The following ASB7 variants were observed in gnomAD, a reference collection of about 807,000 sequenced individuals.
ASB7 encodes ankyrin repeat and SOCS box containing 7.
A neutral mutation model predicts 32.5 loss-of-function variants in ASB7; 4 were observed. The ratio of observed to expected loss-of-function variants is 0.12; its 90% CI spans 0.06 to 0.28. ASB7 has a LOEUF of 0.28. ASB7 is among the 10% of genes least tolerant of loss of function. The pLI is 1.00. For synonymous variants in ASB7, 172 were observed against 155.6 expected, an observed-to-expected ratio of 1.11 and a Z score of -0.78; for missense variants, 181 against 407.1, an observed-to-expected ratio of 0.44 and a Z score of 4.78.
chr15:100,618,905 A>G (rs928692458), intron 4 of ASB7, among the ~76,000 whole-genome samples: 1 of 152,186 alleles, frequency 6.6e-6, no homozygotes, highest in African/African-American at 2.4e-5. Flanking sequence ...TTTTAGGATA[A>G]TAAGTATTAT....
intron 4 of ASB7, among the ~76,000 whole-genome samples, chr15:100,625,495 A>G (rs1358392157): frequency 3.3e-5 from 5 of 152,238 alleles, no homozygotes. Flanking sequence ...TTTAATAATA[A>G]ATTTAACAAA....
At chr15:100,621,331 T>C (rs1390214867) in intron 4 of ASB7, among the ~76,000 whole-genome samples, 1 of 152,214 alleles carries the variant, frequency 6.6e-6, no homozygotes, top group African/African-American at 2.4e-5. Context: ...TGATGTAGTT[T>C]TAAAAAAAGC....
At chr15:100,633,768 C>G in intron 5 of ASB7, among the ~76,000 whole-genome samples, 1 of 152,070 alleles carries the variant, frequency 6.6e-6, no homozygotes, top group East Asian at 1.9e-4. Context: ...GTAAATAGCC[C>G]CTTGTGCCTG....
At chr15:100,632,089 T>A (rs1240244545) in intron 5 of ASB7, among the ~76,000 whole-genome samples, 1 of 152,246 alleles carries the variant, frequency 6.6e-6, no homozygotes, top group Admixed American at 6.5e-5. Flanking sequence ...CTAGCAGTGC[T>A]GTTGGACAGC....
rs79833134 is a variant in ASB7 at position 100,641,128 on chromosome 15, G to A, written c.818-7195G>A. On this transcript the variant is annotated intron_variant, in intron 5 of 5. Coordinates refer to ENST00000332783, the MANE Select transcript of ASB7 (RefSeq NM_198243.3). ...AATTTTCTAAGATGCCTAGTAAATG[G>A]TGTGCACATTTGTATTGATTTTTCT... Among the ~76,000 whole-genome samples the A allele has an allele frequency of 7.7e-3, 1,176 of 152,248 alleles. 14 individuals are homozygous for A. Among genetic ancestry groups the A allele is most frequent in the African/African-American group, 0.024 (984 of 41,544 alleles).
At chr15:100,615,605 C>G (rs998633107) in intron 4 of ASB7, among the ~76,000 whole-genome samples, 2 of 152,326 alleles carry the variant, frequency 1.3e-5, no homozygotes, top group South Asian at 2.1e-4. Context: ...TAAAGCTGAT[C>G]AGTGAGGGCA....
intron 5 of ASB7, among the ~76,000 whole-genome samples, chr15:100,635,885 C>T (rs1464496149): frequency 2.6e-5 from 4 of 152,176 alleles, no homozygotes; most frequent in East Asian, 3.9e-4. Flanking sequence ...TCTTTCCCCC[C>T]GGGGCTCGGG....
chr15:100,621,027 A>G (rs2039787595), intron 4 of ASB7, among the ~76,000 whole-genome samples: 1 of 152,224 alleles, frequency 6.6e-6, no homozygotes. Flanking sequence ...AGAACGGTGA[A>G]AAATATTTTT....
chr15:100,603,354 G>GC (rs2039585331), intron 2 of ASB7, 41 bp downstream of exon 2: 1 of 208,310 alleles, frequency 4.8e-6, no homozygotes, highest in South Asian at 1.9e-4. Context: ...TTTATTCCTG[G>GC]CCCCTACCTC....
At chr15:100,627,623 A>G (rs2039850772) in intron 4 of ASB7, among the ~76,000 whole-genome samples, 1 of 152,240 alleles carries the variant, frequency 6.6e-6, no homozygotes, top group African/African-American at 2.4e-5. Context: ...GAGACCTGAA[A>G]TGGAAACCAA....
At chr15:100,613,640 A>G (rs1043220672) in intron 4 of ASB7, among the ~76,000 whole-genome samples, 19 of 152,378 alleles carry the variant, frequency 1.2e-4, no homozygotes, top group African/African-American at 4.3e-4. Context: ...AGGTGGGTGT[A>G]AAGTCAGAAC....
At chr15:100,632,399 T>C (rs2039890858) in intron 5 of ASB7, among the ~76,000 whole-genome samples, 3 of 152,242 alleles carry the variant, frequency 2.0e-5, no homozygotes, top group African/African-American at 7.2e-5. Flanking sequence ...TGGTGTTTCC[T>C]GCCAAAAGCA....
intron 4 of ASB7, among the ~76,000 whole-genome samples, chr15:100,613,147 A>G (rs1347270589): frequency 6.6e-6 from 1 of 152,208 alleles, no homozygotes; most frequent in Non-Finnish European, 1.5e-5. Context: ...GTATACCCAC[A>G]TTATCTCTGT....
At chr15:100,625,776 A>G (rs576800401) in intron 4 of ASB7, among the ~76,000 whole-genome samples, 4 of 152,316 alleles carry the variant, frequency 2.6e-5, no homozygotes, top group South Asian at 4.1e-4. Flanking sequence ...AAAACTTACT[A>G]TAAGCTACAG....
chr15:100,645,240 C>T (rs1270671235), intron 5 of ASB7, among the ~76,000 whole-genome samples: 1 of 151,812 alleles, frequency 6.6e-6, no homozygotes, highest in Non-Finnish European at 1.5e-5. Context: ...TTTATAAACA[C>T]GAACTTTTGT....
intron 4 of ASB7, among the ~76,000 whole-genome samples, chr15:100,619,059 A>C (rs1258573150): frequency 6.6e-6 from 1 of 152,182 alleles, no homozygotes; most frequent in Non-Finnish European, 1.5e-5. Context: ...CAGTTCCAAA[A>C]GAGTGAATTT....
chr15:100,640,963 G>A (rs1443414834), intron 5 of ASB7, among the ~76,000 whole-genome samples: 4 of 152,122 alleles, frequency 2.6e-5, no homozygotes, highest in African/African-American at 4.8e-5. Context: ...TAGTTCATTA[G>A]TATGAATACC....
intron 5 of ASB7, among the ~76,000 whole-genome samples, chr15:100,635,892 C>G (rs1021204715): frequency 6.6e-6 from 1 of 152,156 alleles, no homozygotes; most frequent in Non-Finnish European, 1.5e-5. Context: ...CCCCGGGGCT[C>G]GGGCCTTTGT....
In ASB7 at chr15:100,649,785, T is replaced by C. The variant is rs765104361; in HGVS notation, c.*1323T>C. On this transcript the variant is annotated 3_prime_UTR_variant, in exon 6 of 6. Transcript: ENST00000332783. ...CAGAAACGTATTCTGGCTTGATTTGTGTTATTAACTTCAGAAGAACCTTTT... is the reference window on the plus strand; with the variant it reads ...CAGAAACGTATTCTGGCTTGATTTGCGTTATTAACTTCAGAAGAACCTTTT... 2 of 152,268 alleles carry C rather than the reference T, an allele frequency of 1.3e-5. No individual in the cohort carries two copies. Among genetic ancestry groups the C allele is most frequent in the Non-Finnish European group, 2.9e-5 (2 of 68,052 alleles). The allele number at this position is 152,268 out of a possible 1,614,324, so 9.4% of individuals were successfully genotyped here.
Sources: allele counts gnomAD v4.1 joint callset (sites outside exome capture counted in the v4.1 genomes callset), GRCh38; gene constraint gnomAD v4.1.1; transcripts MANE v1.5; gene names NCBI Gene and HGNC (gene_info 2026-07-23, HGNC 2026-07-21).